The following KIF21B variants were observed in gnomAD, a reference collection of about 807,000 sequenced individuals.
KIF21B encodes kinesin-like protein KIF21B.
Under a neutral mutation model 192.9 loss-of-function variants are expected in KIF21B, and 85 were observed. The ratio of observed to expected loss-of-function variants is 0.44; its 90% CI spans 0.37 to 0.53. The LOEUF (loss-of-function observed/expected upper bound fraction) is 0.53. Ranked by LOEUF, KIF21B falls within the 20% of genes least tolerant of loss-of-function variation. The pLI, the probability that KIF21B is intolerant of heterozygous loss-of-function variation, is 0.00. For missense variants in KIF21B, 1,716 were observed against 2,194.8 expected, an observed-to-expected ratio of 0.78 and a Z score of 4.36; for synonymous variants, 832 against 884.6, an observed-to-expected ratio of 0.94 and a Z score of 1.05.
Position 200,974,803 on chromosome 1 carries a change from G to C in KIF21B, c.4725C>G (p.Asp1575Glu). ...TGATCTCACCGATGGGTGTGAAGTT[G>C]TCCACGTTCCAGACCTTGATGACAC... ...RAGVIKVWNV[D>E]NFTPIGEIKG... Residue 1575 changes from aspartate (D) to glutamate (E), a missense_variant, in exon 34 of 35, where the codon GAC becomes GAG. Transcript: ENST00000461742. 6.2e-7 allele frequency: 1 copy of C among 1,614,258 alleles called. No homozygotes were observed. Among genetic ancestry groups the C allele is most frequent in the Non-Finnish European group, 8.5e-7 (1 of 1,180,038 alleles).
In KIF21B at chr1:201,005,700, C is replaced by A. The variant is rs1045634507; in HGVS notation, c.448-6G>T. The A allele has an allele frequency of 1.2e-6, 2 of 1,613,060 alleles. No homozygotes were observed. Among genetic ancestry groups the A allele is most frequent in the Middle Eastern group, 3.3e-4 (2 of 6,058 alleles). On this transcript the variant is annotated splice_polypyrimidine_tract_variant and splice_region_variant and intron_variant, in intron 3 of 34. Transcript: ENST00000461742. ...AGGATCTCCTCGTTGTAGAGCTGTG[C>A]AGGAAGGAAACAGCTGAATTCATAG...
chr1:200,975,008 G>A lies in KIF21B; in HGVS notation c.4615-95C>T. 2 of 1,267,256 alleles carry A rather than the reference G, an allele frequency of 1.6e-6. No homozygotes were observed. The highest frequency in any genetic ancestry group is 2.2e-6 in the Non-Finnish European group (2 of 896,986). 78.5% of individuals were successfully genotyped at this position (1,267,256 alleles called of 1,614,324 possible). A position where few individuals can be genotyped will look rare whatever the true frequency, so the allele number is the denominator to read the frequency against. Reference sequence around the variant, plus strand: ...CTTGCTAGTAGTGGAGCTACTTCCAGGCTCCCCTGGCCTCTAGAGCTGCCA... The same window carrying A: ...CTTGCTAGTAGTGGAGCTACTTCCAAGCTCCCCTGGCCTCTAGAGCTGCCA... On this transcript the variant is annotated intron_variant, in intron 33 of 34. Coordinates refer to ENST00000461742, the MANE Select transcript of KIF21B (RefSeq NM_001252102.2). This position sits in a 1 kb window ranked among gnomAD's most constrained non-coding sequence, Gnocchi z 4.3.
At chr1:201,010,145 C>T (rs895935798) in intron 1 of KIF21B, among the ~76,000 whole-genome samples, 6 of 152,200 alleles carry the variant, frequency 3.9e-5, no homozygotes, top group African/African-American at 7.2e-5. Context: ...CCCTCCCTGA[C>T]GCCAGACCAG....
intron 1 of KIF21B, among the ~76,000 whole-genome samples, chr1:201,013,279 A>G (rs1250404780): frequency 6.6e-6 from 1 of 152,042 alleles, no homozygotes; most frequent in Non-Finnish European, 1.5e-5. Flanking sequence ...CTTCTAGGTT[A>G]CCTAGAAGGT....
In KIF21B at chr1:200,977,370, C is replaced by G; in HGVS notation, c.4167G>C (p.Ser1389=). The change falls in exon 31 of 35, where the codon TCG becomes TCC. Residue 1389 remains serine, a synonymous_variant. Coordinates refer to ENST00000461742, the MANE Select transcript of KIF21B (RefSeq NM_001252102.2). The part of the protein sequence containing the change: ...SAKCIRTLTS[S]GQVISGDACA... ...AGGCATCCCCTGAGATCACCTGGCC[C>G]GAGGACCTGCCCATCGGAGAAAGGC... The G allele has an allele frequency of 1.2e-6, 2 of 1,613,828 alleles. No homozygotes were observed. Among genetic ancestry groups the G allele is most frequent in the Non-Finnish European group, 1.7e-6 (2 of 1,179,714 alleles).
intron 21 of KIF21B, 86 bp downstream of exon 21, chr1:200,989,856 G>T: frequency 9.3e-7 from 1 of 1,071,810 alleles, no homozygotes; most frequent in Non-Finnish European, 1.4e-6. Context: ...GTGAGGAGGC[G>T]CCAGGCCCCT....
Position 200,987,053 on chromosome 1 carries a change from G to T in KIF21B, c.3557C>A (p.Pro1186His). The part of the protein sequence containing the change: ...EDGVGFSVRD[P>H]YYRDRVSRTV... ...GCGCGAGACCCTGTCCCGGTAATAG[G>T]GGTCTCGGACAGAGAAGCCCACTCC... Residue 1186 changes from proline (P) to histidine (H), a missense_variant, in exon 25 of 35, where the codon CCC becomes CAC. Pro to His is a moderately conservative substitution (Grantham distance 77). This residue lies in a region of KIF21B where 580 missense variants were observed against 775.5 expected (regional missense o/e 0.75). Transcript: ENST00000461742. The T allele has an allele frequency of 6.2e-7, 1 of 1,614,026 alleles. No homozygotes were observed. The highest frequency in any genetic ancestry group is 1.1e-5 in the South Asian group (1 of 91,068).
intron 15 of KIF21B, among the ~76,000 whole-genome samples, chr1:200,993,298 C>T (rs1656825422): frequency 6.6e-6 from 1 of 152,220 alleles, no homozygotes; most frequent in African/African-American, 2.4e-5. Flanking sequence ...ATAAGGAACA[C>T]ATGACAGTTG....
At chr1:201,019,479 C>T (rs1381946268) in intron 1 of KIF21B, among the ~76,000 whole-genome samples, 2 of 152,178 alleles carry the variant, frequency 1.3e-5, no homozygotes, top group African/African-American at 4.8e-5. Flanking sequence ...CTGCCCTGCC[C>T]TTTGCCCCCA....
At chr1:201,011,086 G>A (rs751440906) in intron 1 of KIF21B, among the ~76,000 whole-genome samples, 6 of 152,196 alleles carry the variant, frequency 3.9e-5, no homozygotes, top group Non-Finnish European at 7.4e-5. Flanking sequence ...CAGCTGTCTC[G>A]CCCAAATTGG....
chr1:200,991,118 A>G lies in KIF21B; in HGVS notation c.2486T>C (p.Met829Thr). The G allele has an allele frequency of 1.9e-6, 3 of 1,613,714 alleles. No individual in the cohort carries two copies. The highest frequency in any genetic ancestry group is 2.5e-6 in the Non-Finnish European group (3 of 1,179,924). Residue 829 changes from methionine to threonine, a missense_variant, in exon 18 of 35, where the codon ATG (methionine) becomes ACG (threonine). Physicochemically the swap from Met to Thr is moderately conservative, Grantham distance 81. Around this residue, in one of 3 missense-constraint regions of KIF21B, gnomAD observed 1,087 missense variants for 1,316.6 expected, o/e 0.83. Coordinates refer to ENST00000461742, the MANE Select transcript of KIF21B (RefSeq NM_001252102.2). ...TGCACGCCCTGCCACCCGCTCAGAC[A>G]TGGGCTTGGCCAGGCGCCTCAGTGC... is the stretch of plus-strand genomic sequence containing the variant. ...VSALRRLAKPMSERVAGRAGL... is the reference protein window; with the variant it reads ...VSALRRLAKPTSERVAGRAGL...
At position 201,023,421 on chromosome 1, in the gene KIF21B, C is replaced by G; in HGVS notation, c.-38G>C. On this transcript the variant is annotated 5_prime_UTR_variant, in exon 1 of 35. Coordinates refer to ENST00000461742, the MANE Select transcript of KIF21B (RefSeq NM_001252102.2). The surrounding 1 kb of genome is among the most constrained non-coding windows in gnomAD (Gnocchi z 5.9). ...CTAGGGTCTGGGCGTGGATCAGAGG[C>G]GGGGGTCTGGGGGCCAATGCCCGAG... 7.0e-7 allele frequency: 1 copy of G among 1,422,658 alleles called. No homozygotes were observed. Among genetic ancestry groups the G allele is most frequent in the East Asian group, 3.0e-5 (1 of 32,910 alleles). The allele number at this position is 1,422,658 out of a possible 1,614,324, so 88.1% of individuals were successfully genotyped here.
chr1:200,978,512 C>T (rs925604035), intron 30 of KIF21B, among the ~76,000 whole-genome samples: 8 of 151,318 alleles, frequency 5.3e-5, no homozygotes, highest in African/African-American at 1.7e-4. Context: ...GCCTGTGTTT[C>T]GATTATGAAC....
chr1:201,008,970 G>C lies in KIF21B; in HGVS notation c.265-19C>G. 2 of 1,599,898 alleles carry C rather than the reference G, an allele frequency of 1.3e-6. No homozygotes were observed. Among genetic ancestry groups the C allele is most frequent in the Non-Finnish European group, 1.7e-6 (2 of 1,176,038 alleles). On this transcript the variant is annotated intron_variant, in intron 2 of 34. Coordinates refer to ENST00000461742, the MANE Select transcript of KIF21B (RefSeq NM_001252102.2). Reference sequence around the variant, plus strand: ...CCCCCGTCTGCATTGGCAAAGATAGGAGGGTGTAACCCTGCACCCTTTGGG... The same window carrying C: ...CCCCCGTCTGCATTGGCAAAGATAGCAGGGTGTAACCCTGCACCCTTTGGG...
intron 1 of KIF21B, among the ~76,000 whole-genome samples, chr1:201,015,258 G>A (rs74606318): frequency 6.6e-6 from 1 of 152,188 alleles, no homozygotes; most frequent in African/African-American, 2.4e-5. Flanking sequence ...CTGCCCACTT[G>A]TGTGTAATTT....
rs142779426 is a variant in KIF21B, at chr1:201,021,595, C to T, written c.41+1748G>A. Among the ~76,000 whole-genome samples the T allele has an allele frequency of 2.1e-4, 32 of 152,306 alleles. 1 individual carries two copies. Among genetic ancestry groups the T allele is most frequent in the Non-Finnish European group, 4.3e-4 (29 of 68,030 alleles). On this transcript the variant is annotated intron_variant, in intron 1 of 34. Transcript: ENST00000461742. ...TCTAGAGGTGGCAGTGGGAAGAGAA[C>T]ATCAGCTTCTCCTCACTGTGCCAAT... is the stretch of plus-strand genomic sequence containing the variant.
intron 5 of KIF21B, 103 bp downstream of exon 5, chr1:201,005,205 C>T (rs1485613430): frequency 1.2e-5 from 18 of 1,440,364 alleles, no homozygotes; most frequent in Non-Finnish European, 1.7e-5. Context: ...CAGAGGCCAG[C>T]CTCAATCTGG....
intron 15 of KIF21B, among the ~76,000 whole-genome samples, chr1:200,994,672 G>T (rs1327825267): frequency 6.6e-6 from 1 of 152,224 alleles, no homozygotes; most frequent in African/African-American, 2.4e-5. Flanking sequence ...GGCCTCCGCA[G>T]CTGAGATGTG....
At position 200,990,743 on chromosome 1, in the gene KIF21B, G is replaced by A. The variant is rs1439109205; in HGVS notation, c.2688-20C>T. The stretch of plus-strand genomic sequence containing the variant: ...TTCTTTCTGGGAGACATAGGCAAAG[G>A]GGATTGGATGGGACTCCTTTTAACC... On this transcript the variant is annotated intron_variant, in intron 18 of 34. Transcript: ENST00000461742. The surrounding 1 kb of genome is among the most constrained non-coding windows in gnomAD (Gnocchi z 5.4). The A allele has an allele frequency of 3.0e-5, 48 of 1,613,430 alleles. No homozygotes were observed. Among genetic ancestry groups the A allele is most frequent in the Non-Finnish European group, 4.0e-5 (47 of 1,179,704 alleles).
Sources: gnomAD v4.1 joint callset for allele counts (sites outside exome capture counted in the v4.1 genomes callset) on GRCh38, gnomAD v4.1.1 for gene constraint, gnomAD v4.1.1 regional missense constraint, Gnocchi (gnomAD v3.1) non-coding constraint, MANE v1.5 for transcripts, NCBI Gene and HGNC (gene_info 2026-07-23, HGNC 2026-07-21) for gene names.